Variants in SLC39A11 observed in about 807,000 individuals in gnomAD.
SLC39A11 encodes the protein solute carrier family 39 member 11, also known as zinc transporter ZIP11.
A neutral mutation model predicts 36.1 loss-of-function variants in SLC39A11; 33 were observed. The observed-to-expected ratio is 0.91, with a 90% confidence interval of 0.69 to 1.22. The LOEUF is 1.22. SLC39A11 is among the 50% of genes most tolerant of loss of function. The probability of loss-of-function intolerance (pLI) is 0.00; values close to 1 mark genes in which losing one functional copy is unlikely to be tolerated. For missense variants in SLC39A11, 432 were observed against 430.3 expected, an observed-to-expected ratio of 1.00 and a Z score of -0.03; for synonymous variants, 166 against 170.3, an observed-to-expected ratio of 0.97 and a Z score of 0.20.
At chr17:72,713,379 C>G (rs145588319) in intron 7 of SLC39A11, among the ~76,000 whole-genome samples, 205 of 152,264 alleles carry the variant, frequency 1.3e-3, no homozygotes, top group African/African-American at 4.0e-3. Context: ...AAAGCAGGAG[C>G]TCCTCCTGCA....
chr17:73,082,983 T>C lies in SLC39A11; in HGVS notation c.147+1825A>G, dbSNP rs146765216. 1.8e-3 allele frequency among the ~76,000 whole-genome samples: 220 copies of C among 124,832 alleles called. 1 individual carries two copies. The highest frequency in any genetic ancestry group is 6.5e-3 in the African/African-American group (207 of 32,002). 81.9% of individuals were successfully genotyped at this position (124,832 alleles called of 152,430 possible). ...GTGAGCCAAGATCCAGCCACTGCAC[T>C]CCAGCCTGGACAACAGAGGGAGACT... is the stretch of plus-strand genomic sequence containing the variant. On this transcript the variant is annotated intron_variant, in intron 3 of 9. Transcript: ENST00000255559.
At chr17:73,031,421 C>T (rs768074343) in intron 4 of SLC39A11, 135 bp downstream of exon 4, 2 of 923,612 alleles carry the variant, frequency 2.2e-6, no homozygotes, top group Non-Finnish European at 3.2e-6. Context: ...TCCTCTAATG[C>T]CTTGTTCTCT....
chr17:72,897,307 C>T lies in SLC39A11; in HGVS notation c.431-47503G>A, dbSNP rs2082084161. On this transcript the variant is annotated intron_variant, in intron 5 of 9. Coordinates refer to ENST00000255559, the MANE Select transcript of SLC39A11 (RefSeq NM_139177.4). The stretch of plus-strand genomic sequence containing the variant: ...TGCTGTCTAATATGAGAACCACAAG[C>T]CACATGCAGTCATCTAATATAACCT... Among the ~76,000 whole-genome samples the T allele has an allele frequency of 2.0e-5, 3 of 152,114 alleles. No individual in the cohort carries two copies. In the South Asian group the frequency reaches 6.2e-4, roughly 32 times the overall value.
chr17:72,896,568 T>C (rs1011690664), intron 5 of SLC39A11, among the ~76,000 whole-genome samples: 3 of 152,128 alleles, frequency 2.0e-5, no homozygotes, highest in African/African-American at 7.2e-5. Context: ...TACCGAAAGA[T>C]GAAGAAAGAC....
chr17:73,085,686 C>T (rs370351886), intron 2 of SLC39A11, among the ~76,000 whole-genome samples: 3 of 147,382 alleles, frequency 2.0e-5, no homozygotes, highest in South Asian at 2.1e-4. Context: ...GCGGTGCAAA[C>T]GGGTACCACC....
chr17:73,043,505 C>G (rs947512600), intron 3 of SLC39A11, among the ~76,000 whole-genome samples: 2 of 152,162 alleles, frequency 1.3e-5, no homozygotes, highest in Admixed American at 1.3e-4. Flanking sequence ...AAGCCTCACA[C>G]GTGATGCTGC....
At chr17:72,790,319 T>G (rs1263989945) in intron 6 of SLC39A11, among the ~76,000 whole-genome samples, 1 of 152,004 alleles carries the variant, frequency 6.6e-6, no homozygotes, top group Non-Finnish European at 1.5e-5. Flanking sequence ...ATACAAACCA[T>G]GTGACCTGGA....
At chr17:72,810,673 T>C (rs2077406593) in intron 6 of SLC39A11, among the ~76,000 whole-genome samples, 1 of 152,222 alleles carries the variant, frequency 6.6e-6, no homozygotes, top group Admixed American at 6.5e-5. Context: ...TTATATGGGA[T>C]ATACATATGT....
chr17:72,877,639 A>G (rs951730427), intron 5 of SLC39A11, among the ~76,000 whole-genome samples: 1 of 152,096 alleles, frequency 6.6e-6, no homozygotes, highest in Non-Finnish European at 1.5e-5. Flanking sequence ...TCCCAGTGAA[A>G]GGGCTTTCTC....
At chr17:72,925,510 C>A (rs1053078122) in intron 5 of SLC39A11, among the ~76,000 whole-genome samples, 1 of 152,140 alleles carries the variant, frequency 6.6e-6, no homozygotes, top group Non-Finnish European at 1.5e-5. Context: ...GATCAAGTCC[C>A]TTGAGCCAGC....
At chr17:72,960,012 G>A (rs184426374) in intron 4 of SLC39A11, among the ~76,000 whole-genome samples, 52 of 152,280 alleles carry the variant, frequency 3.4e-4, no homozygotes, top group African/African-American at 1.1e-3. Flanking sequence ...GAGAAATCCC[G>A]CAGTAAAGAA....
chr17:72,864,176 G>A (rs1179528836), intron 5 of SLC39A11, among the ~76,000 whole-genome samples: 4 of 152,150 alleles, frequency 2.6e-5, no homozygotes, highest in South Asian at 2.1e-4. Context: ...CTATGACTAC[G>A]AATTACCTGG....
At chr17:72,855,752 C>T (rs919427693) in intron 5 of SLC39A11, among the ~76,000 whole-genome samples, 1 of 151,902 alleles carries the variant, frequency 6.6e-6, no homozygotes, top group South Asian at 2.1e-4. Flanking sequence ...AAAAAATTAG[C>T]CAGGCGTGGT....
intron 3 of SLC39A11, among the ~76,000 whole-genome samples, chr17:73,070,789 T>C (rs2060139908): frequency 6.6e-6 from 1 of 152,182 alleles, no homozygotes; most frequent in Non-Finnish European, 1.5e-5. Context: ...AGAGTTTCCC[T>C]GCACAAGCTC....
Position 72,947,763 on chromosome 17 carries a change from G to T in SLC39A11, c.419C>A (p.Ser140Tyr). The change falls in exon 5 of 10, where the codon TCC (serine) becomes TAC (tyrosine). Residue 140 changes from serine (S) to tyrosine (Y), a missense_variant. Ser to Tyr is a moderately radical substitution (Grantham distance 144). Coordinates refer to ENST00000255559, the MANE Select transcript of SLC39A11 (RefSeq NM_139177.4). ...PALLFPESEL[S>Y]IRIDKSENGE... ...AAGCCCAGCTCTACCTATCCGGATGGAAAGTTCACTCTCAGGGAAGAGCAG... is the reference window on the plus strand; with the variant it reads ...AAGCCCAGCTCTACCTATCCGGATGTAAAGTTCACTCTCAGGGAAGAGCAG... 1 of 1,614,086 alleles carries T rather than the reference G, an allele frequency of 6.2e-7. No homozygotes were observed. Among genetic ancestry groups the T allele is most frequent in the South Asian group, 1.1e-5 (1 of 91,076 alleles).
chr17:73,055,463 A>T (rs1372771385), intron 3 of SLC39A11, among the ~76,000 whole-genome samples: 1 of 150,476 alleles, frequency 6.6e-6, no homozygotes, highest in South Asian at 2.1e-4. Flanking sequence ...AGAGGGTCTC[A>T]CTCAGTTGCC....
At chr17:72,996,683 T>C (rs2089528425) in intron 4 of SLC39A11, among the ~76,000 whole-genome samples, 1 of 152,190 alleles carries the variant, frequency 6.6e-6, no homozygotes, top group South Asian at 2.1e-4. Context: ...CACCCTACTC[T>C]AGTACGACCT....
intron 1 of SLC39A11, among the ~76,000 whole-genome samples, chr17:73,090,131 CTGCAGATCAAGAGCT>C (rs1243705427): frequency 6.6e-6 from 1 of 152,188 alleles, no homozygotes; most frequent in African/African-American, 2.4e-5. Flanking sequence ...AGCCCTGAGC[CTGCAGATCAAGAGCT>C]GAAGACGCTG....
chr17:72,960,237 T>C (rs1243553797), intron 4 of SLC39A11, among the ~76,000 whole-genome samples: 1 of 152,222 alleles, frequency 6.6e-6, no homozygotes, highest in Admixed American at 6.5e-5. Context: ...TCAAAATGTC[T>C]ATCACTTTCA....
Sources: allele counts gnomAD v4.1 joint callset (sites outside exome capture counted in the v4.1 genomes callset), GRCh38; gene constraint gnomAD v4.1.1; transcripts MANE v1.5; gene names NCBI Gene and HGNC (gene_info 2026-07-23, HGNC 2026-07-21).